Variants in AKAP12 observed in about 807,000 individuals in gnomAD.
The protein encoded by AKAP12 is A-kinase anchoring protein 12, also known as A-kinase anchor protein 12.
A neutral mutation model predicts 79.9 loss-of-function variants in AKAP12; 32 were observed. The ratio of observed to expected loss-of-function variants is 0.40; its 90% CI spans 0.30 to 0.54. The LOEUF is 0.54. Among genes scored for constraint, AKAP12 ranks in the 20% least tolerant of loss-of-function variants. The pLI is 0.48. For synonymous variants in AKAP12, 808 were observed against 857.0 expected (o/e 0.94, Z 1.00); for missense variants, 2,074 against 2,177.0 (o/e 0.95, Z 0.94).
intron 2 of AKAP12, among the ~76,000 whole-genome samples, chr6:151,285,247 C>T (rs573496422): frequency 3.9e-5 from 6 of 152,268 alleles, no homozygotes; most frequent in African/African-American, 1.4e-4. Context: ...TTTTCACTCT[C>T]AGAACTATTT....
At chr6:151,313,391 G>C (rs1404492078) in intron 3 of AKAP12, among the ~76,000 whole-genome samples, 1 of 152,214 alleles carries the variant, frequency 6.6e-6, no homozygotes, top group Non-Finnish European at 1.5e-5. Flanking sequence ...TTGAAGACTG[G>C]AGGGAACACA....
At chr6:151,281,688 C>T (rs1009399005) in intron 2 of AKAP12, among the ~76,000 whole-genome samples, 4 of 152,190 alleles carry the variant, frequency 2.6e-5, no homozygotes, top group South Asian at 2.1e-4. Context: ...TCTCCACACA[C>T]GTTTGTTTTA....
chr6:151,294,722 C>T (rs1456958288), intron 2 of AKAP12, among the ~76,000 whole-genome samples: 1 of 152,274 alleles, frequency 6.6e-6, no homozygotes, highest in Admixed American at 6.5e-5. Flanking sequence ...ATTTAGAGTG[C>T]TTTGTTTTCT....
chr6:151,304,517 AAAG>A (rs1325395653), intron 2 of AKAP12, among the ~76,000 whole-genome samples: 37 of 138,824 alleles, frequency 2.7e-4, no homozygotes, highest in South Asian at 1.3e-3. Flanking sequence ...AAAAAAAAAA[AAAG>A]GATTATATGA....
intron 3 of AKAP12, among the ~76,000 whole-genome samples, chr6:151,334,165 TAAAG>T (rs1336800477): frequency 2.0e-5 from 3 of 151,918 alleles, no homozygotes; most frequent in Non-Finnish European, 4.4e-5. Flanking sequence ...ATGGTGCAAA[TAAAG>T]AAAACTAGAA....
intron 2 of AKAP12, among the ~76,000 whole-genome samples, chr6:151,257,365 C>T (rs562509169): frequency 1.3e-5 from 2 of 152,244 alleles, no homozygotes; most frequent in Admixed American, 1.3e-4. Context: ...GGCGTGATCT[C>T]AACTCACTGA....
intron 3 of AKAP12, among the ~76,000 whole-genome samples, chr6:151,323,282 G>GCACT (rs1207908290): frequency 6.6e-6 from 1 of 152,234 alleles, no homozygotes; most frequent in African/African-American, 2.4e-5. Context: ...CGGACGCAGT[G>GCACT]GCTCATGCCT....
chr6:151,268,940 G>C (rs1322073068), intron 2 of AKAP12, among the ~76,000 whole-genome samples: 2 of 133,874 alleles, frequency 1.5e-5, no homozygotes, highest in African/African-American at 2.8e-5. Flanking sequence ...CACCGTGCTC[G>C]GCCTGTTTTT....
At chr6:151,338,524 G>C (rs1349369308) in intron 3 of AKAP12, among the ~76,000 whole-genome samples, 1 of 151,376 alleles carries the variant, frequency 6.6e-6, no homozygotes, top group Non-Finnish European at 1.5e-5. Flanking sequence ...GGCGTGATCT[G>C]GGTTTACTGC....
intron 2 of AKAP12, among the ~76,000 whole-genome samples, chr6:151,280,284 A>G (rs1776377348): frequency 6.6e-6 from 1 of 151,730 alleles, no homozygotes; most frequent in African/African-American, 2.4e-5. Flanking sequence ...TTCATATATA[A>G]TATAATTTTG....
chr6:151,320,320 G>A (rs1777345563), intron 3 of AKAP12, among the ~76,000 whole-genome samples: 1 of 151,768 alleles, frequency 6.6e-6, no homozygotes, highest in Non-Finnish European at 1.5e-5. Context: ...GGATCTTGCT[G>A]TGTTGCCCAG....
Position 151,349,494 on chromosome 6 carries a change from C to T in AKAP12, c.1103C>T (p.Pro368Leu). ...GAGCCGGCAGAAAGTGCCCACGAGC[C>T]CCGGTTATCAGCTGAATATGAGAAA... ...PQEPAESAHE[P>L]RLSAEYEKVE... The change falls in exon 4 of 5, where the codon CCC becomes CTC. Residue 368 changes from proline to leucine, a missense_variant. Coordinates refer to ENST00000402676, the MANE Select transcript of AKAP12 (RefSeq NM_005100.4). 6.2e-7 allele frequency: 1 copy of T among 1,608,230 alleles called. No individual in the cohort carries two copies. Among genetic ancestry groups the T allele is most frequent in the Non-Finnish European group, 8.5e-7 (1 of 1,178,308 alleles).
At chr6:151,268,066 C>T (rs914572356) in intron 2 of AKAP12, among the ~76,000 whole-genome samples, 1 of 152,158 alleles carries the variant, frequency 6.6e-6, no homozygotes, top group African/African-American at 2.4e-5. Context: ...TTTATCTTTT[C>T]CTTCTAAGCT....
chr6:151,321,815 G>T (rs1368600556), intron 3 of AKAP12, among the ~76,000 whole-genome samples: 1 of 151,470 alleles, frequency 6.6e-6, no homozygotes, highest in Non-Finnish European at 1.5e-5. Context: ...ATGTGTGAGG[G>T]TTCCACCTTC....
chr6:151,318,893 CA>C, intron 3 of AKAP12, among the ~76,000 whole-genome samples: 1 of 151,838 alleles, frequency 6.6e-6, no homozygotes, highest in South Asian at 2.1e-4. Context: ...CAATGAATCT[CA>C]CCATTTACAC....
Position 151,348,697 on chromosome 6 carries a change from C to CCCTTCT in AKAP12, c.320-14_320-13insCCTTCT. The CCCTTCT allele has an allele frequency of 1.5e-6, 1 of 650,664 alleles. No homozygotes were observed. Among genetic ancestry groups the CCCTTCT allele is most frequent in the Non-Finnish European group, 2.4e-6 (1 of 420,006 alleles). 40.3% of individuals were successfully genotyped at this position (650,664 alleles called of 1,614,324 possible). A position where few individuals can be genotyped will look rare whatever the true frequency, so the allele number is the denominator to read the frequency against. ...TTCTCTTCTCCCCACCCCCCCGCCC[C>CCCTTCT]TTTTTGTTAATAGTTGGACAGAGAG... On this transcript the variant is annotated splice_polypyrimidine_tract_variant and intron_variant, in intron 3 of 4. Coordinates refer to ENST00000402676, the MANE Select transcript of AKAP12 (RefSeq NM_005100.4).
chr6:151,250,355 C>G (rs987669301), intron 2 of AKAP12, among the ~76,000 whole-genome samples: 1 of 151,686 alleles, frequency 6.6e-6, no homozygotes, highest in African/African-American at 2.4e-5. Context: ...AAAAGTTAGC[C>G]GGGTGTGGTG....
At chr6:151,310,708 G>T (rs773613452) in intron 3 of AKAP12, among the ~76,000 whole-genome samples, 7 of 152,044 alleles carry the variant, frequency 4.6e-5, no homozygotes, top group Non-Finnish European at 8.8e-5. Flanking sequence ...TATTTATTTT[G>T]ATAATAGCAT....
rs1778300981 is a variant in AKAP12 at position 151,351,859 on chromosome 6, G to T, written c.3468G>T (p.Gln1156His). Reference protein sequence around the residue: ...GVKSQEMVMEQAIPPDSVETP... With the variant: ...GVKSQEMVMEHAIPPDSVETP... ...AATCACAGGAGATGGTGATGGAACA[G>T]GCTATCCCCCCTGACTCGGTGGAAA... The change falls in exon 4 of 5, where the codon CAG (glutamine) becomes CAT (histidine). Residue 1156 changes from glutamine (Q) to histidine (H), a missense_variant. By Grantham distance (24) the Gln-to-His change is conservative (BLOSUM62 0). Coordinates refer to ENST00000402676, the MANE Select transcript of AKAP12 (RefSeq NM_005100.4). This position sits in a 1 kb window ranked among gnomAD's most constrained non-coding sequence, Gnocchi z 4.4. 1 of 1,614,098 alleles carries T rather than the reference G, an allele frequency of 6.2e-7. No individual in the cohort carries two copies. Among genetic ancestry groups the T allele is most frequent in the Non-Finnish European group, 8.5e-7 (1 of 1,180,032 alleles).
Sources: gnomAD v4.1 joint callset for allele counts (sites outside exome capture counted in the v4.1 genomes callset) on GRCh38, gnomAD v4.1.1 for gene constraint, Gnocchi (gnomAD v3.1) non-coding constraint, MANE v1.5 for transcripts, NCBI Gene and HGNC (gene_info 2026-07-23, HGNC 2026-07-21) for gene names.